The following TASP1 variants were observed in gnomAD, a reference collection of about 807,000 sequenced individuals.
TASP1 encodes the protein taspase 1.
TASP1 carries 16 observed loss-of-function variants against 56.6 expected under a neutral mutation model. That is an observed-to-expected ratio of 0.28 (90% CI 0.19 to 0.43). The LOEUF (loss-of-function observed/expected upper bound fraction) is 0.43, where lower values mean the gene tolerates loss of function less well. Ranked by LOEUF, TASP1 falls within the 20% of genes least tolerant of loss-of-function variation. The probability of loss-of-function intolerance (pLI) is 1.00; values close to 1 mark genes in which losing one functional copy is unlikely to be tolerated. For synonymous variants in TASP1, 179 were observed against 184.2 expected (o/e 0.97, Z 0.23); for missense variants, 393 against 511.6 (o/e 0.77, Z 2.24).
At chr20:13,535,954 A>T (rs748466210) in intron 8 of TASP1, among the ~76,000 whole-genome samples, 4 of 152,232 alleles carry the variant, frequency 2.6e-5, no homozygotes, top group Non-Finnish European at 5.9e-5. Flanking sequence ...ACGGAAATGC[A>T]TTAAAAACAT....
the TASP1 span, among the ~76,000 whole-genome samples, chr20:13,266,816 C>A: frequency 2.6e-5 from 4 of 152,310 alleles, no homozygotes; most frequent in East Asian, 7.7e-4. Flanking sequence ...TTGAGATCCA[C>A]CCCTCTTGAA....
chr20:13,401,653 T>A (rs2041741169), intron 13 of TASP1, among the ~76,000 whole-genome samples: 1 of 152,196 alleles, frequency 6.6e-6, no homozygotes, highest in Non-Finnish European at 1.5e-5. Context: ...AAGATTATAG[T>A]TTTTGTCTTG....
At chr20:13,306,803 G>C in the TASP1 span, among the ~76,000 whole-genome samples, 1 of 152,052 alleles carries the variant, frequency 6.6e-6, no homozygotes, top group South Asian at 2.1e-4. Flanking sequence ...ATTCCTAAAG[G>C]TTTGAAGTCT....
At chr20:13,604,327 T>C (rs752009038) in intron 4 of TASP1, among the ~76,000 whole-genome samples, 1 of 152,190 alleles carries the variant, frequency 6.6e-6, no homozygotes, top group Non-Finnish European at 1.5e-5. Context: ...GTTTTCACTG[T>C]ATGAGTCCAT....
At chr20:13,356,118 A>G in the TASP1 span, among the ~76,000 whole-genome samples, 10 of 152,210 alleles carry the variant, frequency 6.6e-5, no homozygotes, top group Admixed American at 2.0e-4. Flanking sequence ...AAGCACTCTT[A>G]ACAAAAAAAT....
Position 13,417,507 on chromosome 20 carries a change from T to A in TASP1, c.1111A>T (p.Ser371Cys). 6.2e-7 allele frequency: 1 copy of A among 1,614,124 alleles called. No individual in the cohort carries two copies. Among genetic ancestry groups the A allele is most frequent in the Non-Finnish European group, 8.5e-7 (1 of 1,180,006 alleles). ...ACACACATGCTCTCCGTCGTGTGGC[T>A]CCACAGAAATTCCACTGCCATAAAA... ...KQTLLVEFLW[S>C]HTTESMCVGY... is the part of the protein sequence containing the mutation. The change falls in exon 13 of 14, where the codon AGC becomes TGC. Residue 371 changes from serine to cysteine, a missense_variant. By Grantham distance (112) the Ser-to-Cys change is moderately radical (BLOSUM62 -1). Coordinates refer to ENST00000337743, the MANE Select transcript of TASP1 (RefSeq NM_017714.3).
At chr20:13,143,850 A>G in the TASP1 span, among the ~76,000 whole-genome samples, 1 of 152,198 alleles carries the variant, frequency 6.6e-6, no homozygotes, top group African/African-American at 2.4e-5. Flanking sequence ...TCTTCTTGCC[A>G]CAAATTGGAA....
chr20:13,470,900 T>C (rs1032823112), intron 11 of TASP1, among the ~76,000 whole-genome samples: 1 of 152,204 alleles, frequency 6.6e-6, no homozygotes, highest in African/African-American at 2.4e-5. Context: ...TGTAAATACA[T>C]TGCAATCCTT....
chr20:13,330,304 T>G, the TASP1 span, among the ~76,000 whole-genome samples: 2 of 152,226 alleles, frequency 1.3e-5, no homozygotes, highest in Non-Finnish European at 2.9e-5. Flanking sequence ...CATGTGGTTT[T>G]CTTCTCTCAA....
intron 4 of TASP1, among the ~76,000 whole-genome samples, chr20:13,598,263 T>C (rs1235848191): frequency 1.3e-5 from 2 of 152,144 alleles, no homozygotes; most frequent in Non-Finnish European, 2.9e-5. Context: ...GGAGGCATCA[T>C]GCTACCTGAC....
chr20:13,292,386 CT>C, the TASP1 span: 1 of 1,601,212 alleles, frequency 6.2e-7, no homozygotes. Flanking sequence ...ATTGAAGACA[CT>C]TTTAGGACAG....
At chr20:13,408,604 A>C (rs1307724451) in intron 13 of TASP1, among the ~76,000 whole-genome samples, 1 of 152,180 alleles carries the variant, frequency 6.6e-6, no homozygotes, top group Non-Finnish European at 1.5e-5. Context: ...TCTGATATAA[A>C]ATGCCAGTGA....
At chr20:13,184,532 G>A in the TASP1 span, among the ~76,000 whole-genome samples, 7 of 152,212 alleles carry the variant, frequency 4.6e-5, no homozygotes, top group Non-Finnish European at 8.8e-5. Flanking sequence ...ACAATCACAA[G>A]CTCAAGTAGT....
intron 12 of TASP1, among the ~76,000 whole-genome samples, chr20:13,428,759 G>C (rs1306960102): frequency 6.6e-6 from 1 of 152,038 alleles, no homozygotes; most frequent in Non-Finnish European, 1.5e-5. Flanking sequence ...TCTAGTTCTT[G>C]GATGCTCCTC....
intron 10 of TASP1, among the ~76,000 whole-genome samples, chr20:13,493,925 A>C (rs1568872990): frequency 6.6e-6 from 1 of 152,192 alleles, no homozygotes; most frequent in Non-Finnish European, 1.5e-5. Context: ...TCAGGGACAA[A>C]TGAACCCAGG....
At chr20:13,112,371 C>T in the TASP1 span, among the ~76,000 whole-genome samples, 209 of 152,316 alleles carry the variant, frequency 1.4e-3, no homozygotes, top group African/African-American at 4.9e-3. Flanking sequence ...CCAGAACTCC[C>T]TTACAACGTG....
chr20:13,209,910 C>A, the TASP1 span, among the ~76,000 whole-genome samples: 1 of 152,120 alleles, frequency 6.6e-6, no homozygotes, highest in Non-Finnish European at 1.5e-5. Context: ...ATATACAGCT[C>A]AATTAACTTT....
chr20:13,479,936 T>G (rs1331492266), intron 11 of TASP1, among the ~76,000 whole-genome samples: 3 of 152,200 alleles, frequency 2.0e-5, no homozygotes, highest in Non-Finnish European at 4.4e-5. Context: ...TAAAGAGATT[T>G]GTCCTAAAAC....
chr20:13,106,642 C>T, the TASP1 span, among the ~76,000 whole-genome samples: 16 of 152,268 alleles, frequency 1.1e-4, no homozygotes, highest in East Asian at 1.2e-3. Context: ...ATTACTGGAA[C>T]AAACCTCAGT....
Sources: gnomAD v4.1 joint callset for allele counts (sites outside exome capture counted in the v4.1 genomes callset) on GRCh38, gnomAD v4.1.1 for gene constraint, MANE v1.5 for transcripts, NCBI Gene and HGNC (gene_info 2026-07-23, HGNC 2026-07-21) for gene names.